MCPH1: variants seen among roughly 807,000 people sequenced by gnomAD.
The protein encoded by MCPH1 is microcephalin.
Under a neutral mutation model 84.5 loss-of-function variants are expected in MCPH1, and 104 were observed. The observed-to-expected ratio is 1.23, with a 90% CI of 1.05 to 1.45. The LOEUF (loss-of-function observed/expected upper bound fraction) is 1.45. MCPH1 is among the 40% of genes most tolerant of loss of function. The probability of loss-of-function intolerance (pLI) is 0.00; values close to 1 mark genes in which losing one functional copy is unlikely to be tolerated. For synonymous variants in MCPH1, 514 were observed against 366.8 expected (o/e 1.40, Z -4.58); for missense variants, 1,498 against 1,005.7 (o/e 1.49, Z -6.62).
At chr8:6,484,943 A>G (rs1161160335) in intron 11 of MCPH1, among the ~76,000 whole-genome samples, 3 of 152,236 alleles carry the variant, frequency 2.0e-5, no homozygotes, top group Non-Finnish European at 4.4e-5. Flanking sequence ...GTTAGTGGCA[A>G]TGGTTACAGA....
rs140835986 is a variant in MCPH1 at position 6,433,120 on chromosome 8, G to A, written c.321+1534G>A. On this transcript the variant is annotated intron_variant, in intron 4 of 13. Transcript: ENST00000344683. ...AATATGGTTTTGACCATTTCATGTC[G>A]GTAGCTTTGACTCTACTCAGTTTTC... is the stretch of plus-strand genomic sequence containing the variant. Among the ~76,000 whole-genome samples, 81 of 152,150 alleles carry A rather than the reference G, an allele frequency of 5.3e-4. 1 individual carries two copies. Among genetic ancestry groups the A allele is most frequent in the African/African-American group, 1.9e-3 (79 of 41,496 alleles).
chr8:6,499,874 G>T lies in MCPH1; in HGVS notation c.2159G>T (p.Gly720Val), dbSNP rs746294778. ...CAGGTGCTATGGTCTTTAGAATTGG[G>T]TCACTGGATTTCTGAGGAGCCGTTC... is the stretch of plus-strand genomic sequence containing the variant. ...YDWVLWSLEL[G>V]HWISEEPFEL... The change falls in exon 12 of 14, where the codon GGT becomes GTT. Residue 720 changes from glycine to valine, a missense_variant. Physicochemically the swap from Gly to Val is moderately radical, Grantham distance 109. Coordinates refer to ENST00000344683, the MANE Select transcript of MCPH1 (RefSeq NM_024596.5). The T allele has an allele frequency of 3.7e-6, 6 of 1,613,272 alleles. No homozygotes were observed. Among genetic ancestry groups the T allele is most frequent in the Non-Finnish European group, 5.1e-6 (6 of 1,179,978 alleles).
intron 12 of MCPH1, among the ~76,000 whole-genome samples, chr8:6,519,200 T>C (rs1816846794): frequency 6.6e-6 from 1 of 152,210 alleles, no homozygotes; most frequent in Admixed American, 6.5e-5. Context: ...TCTCATGGTG[T>C]GGACCTCAGA....
intron 12 of MCPH1, among the ~76,000 whole-genome samples, chr8:6,575,373 G>A (rs541895647): frequency 4.6e-5 from 7 of 152,262 alleles, no homozygotes; most frequent in African/African-American, 1.7e-4. Flanking sequence ...CTTGGCCACG[G>A]TTTCACAGGT....
chr8:6,501,598 C>T (rs2916714), intron 12 of MCPH1: 36,431 of 145,612 alleles, frequency 0.25, 4,909 homozygotes, highest in East Asian at 0.46. Flanking sequence ...TCTGTTGCCC[C>T]GGCTGGAGTG....
intron 9 of MCPH1, among the ~76,000 whole-genome samples, chr8:6,460,417 C>T (rs762786175): frequency 1.3e-5 from 2 of 151,876 alleles, no homozygotes; most frequent in South Asian, 2.1e-4. Flanking sequence ...GGTCTCTCCA[C>T]GTTGGCCAGG....
chr8:6,561,069 C>T (rs1825461428), intron 12 of MCPH1, among the ~76,000 whole-genome samples: 1 of 152,162 alleles, frequency 6.6e-6, no homozygotes, highest in Non-Finnish European at 1.5e-5. Flanking sequence ...ATAGGAAGTT[C>T]AAGTTAAGCA....
chr8:6,647,698 T>G lies in MCPH1; in HGVS notation c.*4649T>G, dbSNP rs1798278308. On this transcript the variant is annotated 3_prime_UTR_variant, in exon 14 of 14. Transcript: ENST00000344683. ...TGTAAGATTCCATTTAGATACCATT[T>G]CTACAAACCGCAAAACTGTAGAGGC... The G allele has an allele frequency of 1.3e-5, 2 of 152,204 alleles. No homozygotes were observed. The highest frequency in any genetic ancestry group is 1.3e-4 in the Admixed American group (2 of 15,268). The allele number at this position is 152,204 out of a possible 1,614,324, so 9.4% of individuals were successfully genotyped here.
intron 1 of MCPH1, 90 bp from the exon 2 acceptor site, chr8:6,409,189 T>C: frequency 8.7e-7 from 1 of 1,143,556 alleles, no homozygotes; most frequent in Non-Finnish European, 1.3e-6. Flanking sequence ...CCGGCCTCGG[T>C]TTACTCTTAA....
intron 3 of MCPH1, among the ~76,000 whole-genome samples, chr8:6,421,155 C>A (rs924499546): frequency 6.6e-6 from 1 of 152,202 alleles, no homozygotes; most frequent in Non-Finnish European, 1.5e-5. Flanking sequence ...TCCCGTTTCT[C>A]CGCCATTTTG....
chr8:6,621,708 A>G lies in MCPH1; in HGVS notation c.2452+17A>G, dbSNP rs920785210. 1.2e-6 allele frequency: 2 copies of G among 1,614,028 alleles called. No individual in the cohort carries two copies. The highest frequency in any genetic ancestry group is 4.5e-5 in the East Asian group (2 of 44,888). ...GGGTCTTAGGTAAGAATCCAGGCAC[A>G]CAGACGCTGTGGTGTGGTCCAGATC... On this transcript the variant is annotated intron_variant, in intron 13 of 13. Coordinates refer to ENST00000344683, the MANE Select transcript of MCPH1 (RefSeq NM_024596.5).
intron 12 of MCPH1, among the ~76,000 whole-genome samples, chr8:6,537,369 CAG>C (rs1189296661): frequency 6.6e-6 from 1 of 151,964 alleles, no homozygotes; most frequent in East Asian, 1.9e-4. Context: ...CTTCCTTTCT[CAG>C]AACTCAAGTG....
Position 6,445,550 on chromosome 8 carries a change from A to T in MCPH1, c.1825+3A>T, listed in dbSNP as rs768827309. The T allele has an allele frequency of 6.3e-7, 1 of 1,576,274 alleles. No homozygotes were observed. Among genetic ancestry groups the T allele is most frequent in the Non-Finnish European group, 8.6e-7 (1 of 1,164,210 alleles). On this transcript the variant is annotated splice_donor_region_variant and intron_variant, in intron 8 of 13. Transcript: ENST00000344683. Reference sequence around the variant, plus strand: ...CTTACCCGGAGGATACAGTGGAAGTATGTGAATCTCCTTTTCCAAGTCACC... The same window carrying T: ...CTTACCCGGAGGATACAGTGGAAGTTTGTGAATCTCCTTTTCCAAGTCACC...
rs965119762 is a variant in MCPH1 at position 6,593,442 on chromosome 8, C to A, written c.2215-28012C>A. 6.6e-5 allele frequency among the ~76,000 whole-genome samples: 10 copies of A among 152,172 alleles called. No individual in the cohort carries two copies. The South Asian group carries it at 1.2e-3, about 19-fold the overall frequency. On this transcript the variant is annotated intron_variant, in intron 12 of 13. Coordinates refer to ENST00000344683, the MANE Select transcript of MCPH1 (RefSeq NM_024596.5). ...CGATCTTGGCTCCCTGCAACCTCTG[C>A]CTCCCAGGTTCAAGTGATTCTCCTG...
At chr8:6,543,849 T>A (rs1194799372) in intron 12 of MCPH1, among the ~76,000 whole-genome samples, 2 of 152,226 alleles carry the variant, frequency 1.3e-5, no homozygotes, top group Admixed American at 6.5e-5. Context: ...GCATGGACTT[T>A]AAGGAGCTGT....
At chr8:6,502,194 T>A (rs539528897) in intron 12 of MCPH1, 1 of 152,266 alleles carries the variant, frequency 6.6e-6, no homozygotes, top group South Asian at 2.1e-4. Context: ...ATTTTCCTCA[T>A]CATTAAAAGT....
intron 11 of MCPH1, among the ~76,000 whole-genome samples, chr8:6,490,610 C>G (rs1377715622): frequency 2.0e-5 from 3 of 152,154 alleles, no homozygotes; most frequent in Non-Finnish European, 4.4e-5. Flanking sequence ...TATTTGACGA[C>G]ATTGTACATT....
intron 12 of MCPH1, among the ~76,000 whole-genome samples, chr8:6,561,581 C>T (rs904124518): frequency 1.3e-5 from 2 of 152,130 alleles, no homozygotes; most frequent in African/African-American, 4.8e-5. Flanking sequence ...TGAGGCTCAC[C>T]AACTTTTAAA....
At chr8:6,501,970 AC>A (rs1259029367) in intron 12 of MCPH1, 2 of 150,854 alleles carry the variant, frequency 1.3e-5, no homozygotes, top group Non-Finnish European at 3.0e-5. Context: ...AAAAAAACTT[AC>A]TAGTGTCAAT....
Sources: gnomAD v4.1 joint callset for allele counts (sites outside exome capture counted in the v4.1 genomes callset) on GRCh38, gnomAD v4.1.1 for gene constraint, MANE v1.5 for transcripts, NCBI Gene and HGNC (gene_info 2026-07-23, HGNC 2026-07-21) for gene names.